The following IAH1 variants were observed in gnomAD, a reference collection of about 807,000 sequenced individuals.
IAH1 encodes isoamyl acetate hydrolyzing esterase 1 (putative).
Under a neutral mutation model 26.7 loss-of-function variants are expected in IAH1, and 24 were observed. That is an observed-to-expected ratio of 0.90 (90% CI 0.65 to 1.26). The LOEUF is 1.26. IAH1 is among the 50% of genes most tolerant of loss of function. The probability of loss-of-function intolerance (pLI) is 0.00; values close to 1 mark genes in which losing one functional copy is unlikely to be tolerated. For missense variants in IAH1, 300 were observed against 299.9 expected (o/e 1.00, Z 0.00); for synonymous variants, 140 against 118.5 (o/e 1.18, Z -1.18).
chr2:9,498,748 C>G (rs1179783685), downstream of IAH1, among the ~76,000 whole-genome samples: 1 of 152,166 alleles, frequency 6.6e-6, no homozygotes, highest in Non-Finnish European at 1.5e-5. Context: ...CCAGTGAGCT[C>G]AGGGAAGGTT....
In IAH1 at chr2:9,484,423, C is replaced by A; in HGVS notation, c.446-9C>A. ...ACCAACTGCCACCTCTATTTCTTCT[C>A]TTCAATAGGTTGCAAACTAAATCGC... On this transcript the variant is annotated splice_polypyrimidine_tract_variant and intron_variant, in intron 4 of 5. Coordinates refer to ENST00000497473, the MANE Select transcript of IAH1 (RefSeq NM_001039613.3). 2 of 1,609,108 alleles carry A rather than the reference C, an allele frequency of 1.2e-6. No homozygotes were observed. The highest frequency in any genetic ancestry group is 1.1e-5 in the South Asian group (1 of 90,954).
chr2:9,508,714 G>A, the IAH1 span, among the ~76,000 whole-genome samples: 43 of 152,250 alleles, frequency 2.8e-4, no homozygotes, highest in African/African-American at 9.1e-4. Flanking sequence ...ATACTGGGCA[G>A]AGCAGACACA....
the IAH1 span, chr2:9,510,181 C>A: frequency 6.2e-7 from 1 of 1,600,984 alleles, no homozygotes; most frequent in Non-Finnish European, 8.5e-7. Flanking sequence ...CAGCCATCAC[C>A]TACTTCTGCC....
At chr2:9,507,255 C>T in the IAH1 span, among the ~76,000 whole-genome samples, 2 of 152,124 alleles carry the variant, frequency 1.3e-5, no homozygotes, top group African/African-American at 4.8e-5. Flanking sequence ...TTTGAGAGGT[C>T]GAGGCAGGTG....
downstream of IAH1, among the ~76,000 whole-genome samples, chr2:9,492,686 ACAC>A (rs1302285697): frequency 6.6e-6 from 1 of 152,212 alleles, no homozygotes; most frequent in African/African-American, 2.4e-5. Context: ...ATATATTAAA[ACAC>A]CAACACACAA....
At chr2:9,506,512 G>A in the IAH1 span, among the ~76,000 whole-genome samples, 1 of 152,024 alleles carries the variant, frequency 6.6e-6, no homozygotes, top group Non-Finnish European at 1.5e-5. Flanking sequence ...GACTACAGGT[G>A]CATGCCACCA....
downstream of IAH1, chr2:9,490,486 T>C (rs961226647): frequency 3.7e-6 from 6 of 1,613,962 alleles, no homozygotes; most frequent in Non-Finnish European, 4.2e-6. Flanking sequence ...TGCGAACCGA[T>C]GCAGAATCCA....
At chr2:9,481,003 A>G (rs1661136489) in intron 3 of IAH1, 1 of 283,398 alleles carries the variant, frequency 3.5e-6, no homozygotes, top group Non-Finnish European at 6.6e-6. Flanking sequence ...GGGCTCTTTA[A>G]TTTCTTTACA....
chr2:9,487,786 TTTTGTGTG>T (rs1175409966), intron 5 of IAH1, among the ~76,000 whole-genome samples: 8 of 117,548 alleles, frequency 6.8e-5, no homozygotes, highest in East Asian at 5.4e-4. Flanking sequence ...TCCCCGGCCT[TTTTGTGTG>T]TGTGTGTGTG....
At chr2:9,491,278 G>C, downstream of IAH1, 1 of 766,384 alleles carries the variant, frequency 1.3e-6, no homozygotes, top group South Asian at 1.9e-5. Context: ...AGTGATAGCA[G>C]GCTCAACAGA....
At chr2:9,486,782 CTG>C (rs936215599) in intron 5 of IAH1, 2 of 151,348 alleles carry the variant, frequency 1.3e-5, no homozygotes, top group Non-Finnish European at 2.9e-5. Context: ...TAGGCCGAGA[CTG>C]TGCCATCGTT....
At chr2:9,494,132 G>C (rs1457419341), downstream of IAH1, among the ~76,000 whole-genome samples, 4 of 152,154 alleles carry the variant, frequency 2.6e-5, no homozygotes, top group African/African-American at 9.7e-5. Context: ...AGTGGACAGT[G>C]AACAACACAG....
chr2:9,475,004 C>T (rs2124889127), intron 1 of IAH1: 1 of 1,100,702 alleles, frequency 9.1e-7, no homozygotes, highest in Non-Finnish European at 1.1e-6. Context: ...GGTTAGCGGC[C>T]GCGGGCGACC....
chr2:9,475,546 A>G (rs6432008), intron 1 of IAH1: 106,095 of 202,038 alleles, frequency 0.53, 29,588 homozygotes, highest in Middle Eastern at 0.65. Flanking sequence ...TGTCGCCCAG[A>G]CTGGAGTGCA....
At chr2:9,505,090 T>C in the IAH1 span, 1 of 1,485,772 alleles carries the variant, frequency 6.7e-7, no homozygotes, top group Non-Finnish European at 9.3e-7. Flanking sequence ...CTAAAGCCCC[T>C]GCAAGTTCAG....
chr2:9,510,611 C>G, the IAH1 span, among the ~76,000 whole-genome samples: 3 of 151,004 alleles, frequency 2.0e-5, no homozygotes, highest in Non-Finnish European at 1.5e-5. Flanking sequence ...TTGCAGTGAG[C>G]TGAGATCACG....
At chr2:9,484,366 C>A in intron 4 of IAH1, 66 bp from the exon 5 acceptor site, 1 of 1,205,050 alleles carries the variant, frequency 8.3e-7, no homozygotes, top group African/African-American at 1.5e-5. Context: ...ATGAGTGGAG[C>A]AGAACTTACA....
downstream of IAH1, chr2:9,492,828 A>C: frequency 5.2e-6 from 7 of 1,340,770 alleles, no homozygotes; most frequent in African/African-American, 1.5e-5. Context: ...TACCTTTTCC[A>C]GAGATTACAT....
At chr2:9,487,788 T>TTGTGTGTGTGTGTGTGTGTG (rs70948823) in intron 5 of IAH1, among the ~76,000 whole-genome samples, 4 of 133,964 alleles carry the variant, frequency 3.0e-5, no homozygotes, top group African/African-American at 5.8e-5. Flanking sequence ...CCCGGCCTTT[T>TTGTGTGTGTGTGTGTGTGTG]TGTGTGTGTG....
Sources: gnomAD v4.1 joint callset for allele counts (sites outside exome capture counted in the v4.1 genomes callset) on GRCh38, gnomAD v4.1.1 for gene constraint, MANE v1.5 for transcripts, NCBI Gene and HGNC (gene_info 2026-07-23, HGNC 2026-07-21) for gene names.